The following STMN3 variants were observed in gnomAD, a reference collection of about 807,000 sequenced individuals.
The protein encoded by STMN3 is stathmin 3, also known as stathmin-3.
Under a neutral mutation model 23.2 loss-of-function variants are expected in STMN3, and 24 were observed. The ratio of observed to expected loss-of-function variants is 1.03; its 90% CI spans 0.75 to 1.45. STMN3 has a LOEUF of 1.45. STMN3 is among the 40% of genes most tolerant of loss of function. STMN3 has a pLI of 0.00. For synonymous variants in STMN3, 117 were observed against 103.4 expected (o/e 1.13, Z -0.80); for missense variants, 235 against 237.6 (o/e 0.99, Z 0.07).
intron 1 of STMN3, among the ~76,000 whole-genome samples, chr20:63,647,650 A>G (rs371210305): frequency 1.5e-4 from 20 of 135,406 alleles, no homozygotes; most frequent in Middle Eastern, 3.6e-3. Flanking sequence ...ATATATATAC[A>G]TGTATATATA....
At chr20:63,647,576 A>T (rs2089818665) in intron 1 of STMN3, among the ~76,000 whole-genome samples, 1 of 149,750 alleles carries the variant, frequency 6.7e-6, no homozygotes, top group Non-Finnish European at 1.5e-5. Context: ...AGATCACGCC[A>T]CTGCACTCCA....
chr20:63,642,756 G>A (rs2146114201), intron 3 of STMN3, among the ~76,000 whole-genome samples: 1 of 152,316 alleles, frequency 6.6e-6, no homozygotes, highest in Middle Eastern at 3.4e-3. Flanking sequence ...CCAATTAGGT[G>A]CCCAGGAGCG....
rs1601065376 is a variant in STMN3, at chr20:63,652,763, G to T, written c.19+564C>A. 3 of 986,018 alleles carry T rather than the reference G, an allele frequency of 3.0e-6. No homozygotes were observed. In the African/African-American group the frequency reaches 5.2e-5, roughly 17 times the overall value. 61.1% of individuals were successfully genotyped at this position (986,018 alleles called of 1,614,324 possible). A position where few individuals can be genotyped will look rare whatever the true frequency, so the allele number is the denominator to read the frequency against. On this transcript the variant is annotated intron_variant, in intron 1 of 4. Coordinates refer to ENST00000370053, the MANE Select transcript of STMN3 (RefSeq NM_015894.4). This position sits in a 1 kb window ranked among gnomAD's most constrained non-coding sequence, Gnocchi z 5.3. Reference sequence around the variant, plus strand: ...AAGGGTGGTCCCCGAGGCCGCAGCGGTGTGGGGGGAGGGCGCGGTCCCCCT... The same window carrying T: ...AAGGGTGGTCCCCGAGGCCGCAGCGTTGTGGGGGGAGGGCGCGGTCCCCCT...
intron 1 of STMN3, among the ~76,000 whole-genome samples, chr20:63,646,976 G>C (rs368804098): frequency 2.0e-5 from 3 of 148,122 alleles, no homozygotes; most frequent in Non-Finnish European, 4.5e-5. Context: ...CTGGTCTTGA[G>C]CCACCGCGCC....
rs2089748959 is a variant in STMN3, at chr20:63,640,267, A to T, written c.*1071T>A. On this transcript the variant is annotated 3_prime_UTR_variant, in exon 5 of 5. Coordinates refer to ENST00000370053, the MANE Select transcript of STMN3 (RefSeq NM_015894.4). ...CTCCAAGGCCAGCACTGGGCGTCCA[A>T]GGGAAAGAAGGAACTCAGCCCAGAG... The T allele has an allele frequency of 6.6e-6, 1 of 152,666 alleles. No homozygotes were observed. The highest frequency in any genetic ancestry group is 2.4e-5 in the African/African-American group (1 of 41,402). 9.5% of individuals were successfully genotyped at this position (152,666 alleles called of 1,614,324 possible).
chr20:63,646,674 G>A (rs1483328212), intron 1 of STMN3, among the ~76,000 whole-genome samples: 1 of 151,912 alleles, frequency 6.6e-6, no homozygotes, highest in Non-Finnish European at 1.5e-5. Flanking sequence ...TTAGAAACAG[G>A]ACTGTGCTCT....
Position 63,643,939 on chromosome 20 carries a change from G to T in STMN3, c.116-8C>A. 1.3e-6 allele frequency: 2 copies of T among 1,593,892 alleles called. No homozygotes were observed. The highest frequency in any genetic ancestry group is 2.3e-5 in the South Asian group (2 of 88,196). ...GCTGCTTCACCTCCATGTCTGCAGG[G>T]CAAGACCAGAGTAGAGCTTCAGAGG... On this transcript the variant is annotated splice_region_variant and splice_polypyrimidine_tract_variant and intron_variant, in intron 2 of 4. Coordinates refer to ENST00000370053, the MANE Select transcript of STMN3 (RefSeq NM_015894.4).
chr20:63,653,305 A>T (rs1363573570), intron 1 of STMN3, 22 bp downstream of exon 1: 3 of 1,544,498 alleles, frequency 1.9e-6, no homozygotes, highest in Non-Finnish European at 2.6e-6. Context: ...CGCCCCACAA[A>T]GCCCGTGGCC....
At chr20:63,650,042 G>A (rs1319764016) in intron 1 of STMN3, among the ~76,000 whole-genome samples, 1 of 151,518 alleles carries the variant, frequency 6.6e-6, no homozygotes, top group Non-Finnish European at 1.5e-5. Flanking sequence ...TGGCCAGGCT[G>A]GTCTTGAACT....
rs1180500477 is a variant in STMN3 at position 63,642,312 on chromosome 20, G to A, written c.292-13C>T. The A allele has an allele frequency of 4.8e-6, 7 of 1,463,968 alleles. No individual in the cohort carries two copies. The highest frequency in any genetic ancestry group is 1.4e-5 in the South Asian group (1 of 73,628). The allele number at this position is 1,463,968 out of a possible 1,614,324, so 90.7% of individuals were successfully genotyped here. A position where few individuals can be genotyped will look rare whatever the true frequency, so the allele number is the denominator to read the frequency against. On this transcript the variant is annotated splice_polypyrimidine_tract_variant and intron_variant, in intron 3 of 4. Transcript: ENST00000370053. ...GCGCCTCCTGCGTCTGTGCGGGGCC[G>A]GCGGGCGCGCGTGAGCGGCAACCCC...
At chr20:63,649,803 T>C (rs1000619377) in intron 1 of STMN3, among the ~76,000 whole-genome samples, 14 of 149,134 alleles carry the variant, frequency 9.4e-5, no homozygotes, top group South Asian at 4.3e-4. Context: ...GTGCTGGGAT[T>C]ACAGGTGTGA....
intron 1 of STMN3, among the ~76,000 whole-genome samples, chr20:63,645,315 G>A (rs2146116626): frequency 6.6e-6 from 1 of 152,052 alleles, no homozygotes; most frequent in East Asian, 1.9e-4. Context: ...ATGATTGTGT[G>A]GTCACCTTGA....
Position 63,652,768 on chromosome 20 carries a change from G to A in STMN3, c.19+559C>T, listed in dbSNP as rs2089870775. 1.0e-6 allele frequency: 1 copy of A among 985,954 alleles called. No individual in the cohort carries two copies. The highest frequency in any genetic ancestry group is 4.7e-5 in the South Asian group (1 of 21,290). The allele number at this position is 985,954 out of a possible 1,614,324, so 61.1% of individuals were successfully genotyped here. A position where few individuals can be genotyped will look rare whatever the true frequency, so the allele number is the denominator to read the frequency against. ...TGGTCCCCGAGGCCGCAGCGGTGTG[G>A]GGGGAGGGCGCGGTCCCCCTCACTC... On this transcript the variant is annotated intron_variant, in intron 1 of 4. Transcript: ENST00000370053. The surrounding 1 kb of genome is among the most constrained non-coding windows in gnomAD (Gnocchi z 5.3).
At chr20:63,647,631 C>T (rs1194381801) in intron 1 of STMN3, among the ~76,000 whole-genome samples, 3 of 138,556 alleles carry the variant, frequency 2.2e-5, no homozygotes, top group African/African-American at 8.2e-5. Context: ...CAAACACAAA[C>T]AAACATATAT....
chr20:63,650,946 C>T (rs1427863995), intron 1 of STMN3, among the ~76,000 whole-genome samples: 2 of 124,034 alleles, frequency 1.6e-5, no homozygotes, highest in African/African-American at 3.3e-5. Context: ...CTTCGTCTTC[C>T]TCCTCTTCTT....
Position 63,641,030 on chromosome 20 carries a change from CCACCGCCCTGGGTTTACCACGGT to C in STMN3, c.*285_*307del, listed in dbSNP as rs1206276258. ...CAGCGTAAGGACCCGTGATCCCACG[CCACCGCCCTGGGTTTACCACGGT>C]CACCGCCACCTCTCTCACAGGGCCC... is the stretch of plus-strand genomic sequence containing the variant. On this transcript the variant is annotated 3_prime_UTR_variant, in exon 5 of 5. Transcript: ENST00000370053. 1 of 475,912 alleles carries C rather than the reference CCACCGCCCTGGGTTTACCACGGT, an allele frequency of 2.1e-6. No homozygotes were observed. 29.5% of individuals were successfully genotyped at this position (475,912 alleles called of 1,614,324 possible).
chr20:63,643,184 G>T (rs1203398836), intron 3 of STMN3, among the ~76,000 whole-genome samples: 1 of 152,124 alleles, frequency 6.6e-6, no homozygotes, highest in Non-Finnish European at 1.5e-5. Flanking sequence ...CATCCTGCTG[G>T]CCCTGACAAG....
rs749613920 is a variant in STMN3, at chr20:63,653,349, G to A, written c.-4C>T. ...TACCGGAAATGGTGCTGGCCATGGT[G>A]CTGGCGGCGGTTGGGCCTGCGGAGG... is the stretch of plus-strand genomic sequence containing the variant. On this transcript the variant is annotated 5_prime_UTR_variant, in exon 1 of 5. Coordinates refer to ENST00000370053, the MANE Select transcript of STMN3 (RefSeq NM_015894.4). 2.6e-6 allele frequency: 4 copies of A among 1,547,456 alleles called. No individual in the cohort carries two copies. Among genetic ancestry groups the A allele is most frequent in the Admixed American group, 3.9e-5 (2 of 50,900 alleles).
Position 63,641,240 on chromosome 20 carries a change from G to A in STMN3, c.*98C>T. Reference sequence around the variant, plus strand: ...CATGAAGCTGGGGGCGGGGGTGGGGGAGGAGGAACAAAAGTTGCATCTAGA... The same window carrying A: ...CATGAAGCTGGGGGCGGGGGTGGGGAAGGAGGAACAAAAGTTGCATCTAGA... On this transcript the variant is annotated 3_prime_UTR_variant, in exon 5 of 5. Coordinates refer to ENST00000370053, the MANE Select transcript of STMN3 (RefSeq NM_015894.4). 9.7e-7 allele frequency: 1 copy of A among 1,032,140 alleles called. No individual in the cohort carries two copies. Among genetic ancestry groups the A allele is most frequent in the Non-Finnish European group, 1.5e-6 (1 of 683,362 alleles). 63.9% of individuals were successfully genotyped at this position (1,032,140 alleles called of 1,614,324 possible). A position where few individuals can be genotyped will look rare whatever the true frequency, so the allele number is the denominator to read the frequency against.
Sources: gnomAD v4.1 joint callset for allele counts (sites outside exome capture counted in the v4.1 genomes callset) on GRCh38, gnomAD v4.1.1 for gene constraint, Gnocchi (gnomAD v3.1) non-coding constraint, MANE v1.5 for transcripts, NCBI Gene and HGNC (gene_info 2026-07-23, HGNC 2026-07-21) for gene names.